The following ASB1 variants were observed in gnomAD, a reference collection of about 807,000 sequenced individuals.
The protein encoded by ASB1 is ankyrin repeat and SOCS box containing 1.
In ASB1, 18 loss-of-function variants were observed where a neutral mutation model predicts 27.7. The ratio of observed to expected loss-of-function variants is 0.65; its 90% CI spans 0.45 to 0.96. ASB1 has a LOEUF of 0.96. Among genes scored for constraint, ASB1 ranks in the 50% least tolerant of loss-of-function variants. The pLI is 0.00. For missense variants in ASB1, 397 were observed against 451.7 expected (o/e 0.88, Z 1.10); for synonymous variants, 189 against 187.6 (o/e 1.01, Z -0.06).
In ASB1 at chr2:238,433,691, C is replaced by T. The variant is rs373176141; in HGVS notation, c.187C>T (p.Arg63Trp). 35 of 1,613,770 alleles carry T rather than the reference C, an allele frequency of 2.2e-5. No individual in the cohort carries two copies. Among genetic ancestry groups the T allele is most frequent in the East Asian group, 6.7e-5 (3 of 44,880 alleles). The change falls in exon 2 of 5, where the codon CGG becomes TGG. Residue 63 changes from arginine to tryptophan, a missense_variant. Transcript: ENST00000264607. ...LRSLLQEESY[R>W]SRINEKSVWC... ...GAGCCTATTGCAAGAGGAGAGCTACCGGAGGTGAGCGGCGCTGCCCAGGGC... is the reference window on the plus strand; with the variant it reads ...GAGCCTATTGCAAGAGGAGAGCTACTGGAGGTGAGCGGCGCTGCCCAGGGC...
intron 2 of ASB1, 50 bp from the exon 3 acceptor site, chr2:238,435,661 T>TC: frequency 1.3e-6 from 2 of 1,552,966 alleles, no homozygotes; most frequent in Non-Finnish European, 1.7e-6. Flanking sequence ...GTGCAGCCCG[T>TC]CCCTGTCCTG....
rs773498999 is a variant in ASB1 at position 238,435,857 on chromosome 2, C to T, written c.338C>T (p.Thr113Met). The change falls in exon 3 of 5, where the codon ACG (threonine) becomes ATG (methionine). Residue 113 changes from threonine (T) to methionine (M), a missense_variant. Coordinates refer to ENST00000264607, the MANE Select transcript of ASB1 (RefSeq NM_001040445.3). ...GATCTGGTGGACGTAAAAGGACAGA[C>T]GGCCCTGTATGTGGCTGTGGTGAAC... ...EVDLVDVKGQTALYVAVVNGH... is the reference protein window; with the variant it reads ...EVDLVDVKGQMALYVAVVNGH... 54 of 1,614,144 alleles carry T rather than the reference C, an allele frequency of 3.3e-5. No homozygotes were observed. Among genetic ancestry groups the T allele is most frequent in the Admixed American group, 6.7e-5 (4 of 60,018 alleles).
intron 3 of ASB1, among the ~76,000 whole-genome samples, chr2:238,442,787 C>G (rs1169104143): frequency 6.6e-6 from 1 of 152,104 alleles, no homozygotes; most frequent in Non-Finnish European, 1.5e-5. Flanking sequence ...CCAAAAAACA[C>G]TTAGTAAAAC....
At chr2:238,434,093 A>G (rs912109765) in intron 2 of ASB1, among the ~76,000 whole-genome samples, 1 of 151,994 alleles carries the variant, frequency 6.6e-6, no homozygotes, top group Non-Finnish European at 1.5e-5. Flanking sequence ...CACCTTCCCT[A>G]GTGCCCTTTC....
chr2:238,426,961 C>T lies in ASB1; in HGVS notation c.-110C>T, dbSNP rs2106399598. 3.3e-6 allele frequency: 3 copies of T among 896,062 alleles called. No homozygotes were observed. Among genetic ancestry groups the T allele is most frequent in the East Asian group, 3.5e-5 (1 of 28,742 alleles). 55.5% of individuals were successfully genotyped at this position (896,062 alleles called of 1,614,324 possible). ...GGCGCGCGCCCGCCGGAAGCCGCGA[C>T]CCCGACGCGCCCCCCATTGCCCTCG... On this transcript the variant is annotated 5_prime_UTR_variant, in exon 1 of 5. Coordinates refer to ENST00000264607, the MANE Select transcript of ASB1 (RefSeq NM_001040445.3).
intron 1 of ASB1, among the ~76,000 whole-genome samples, chr2:238,430,744 T>A (rs1449787472): frequency 6.6e-6 from 1 of 152,248 alleles, no homozygotes; most frequent in Admixed American, 6.5e-5. Flanking sequence ...ATCCATTGGC[T>A]GCGGAATGGC....
intron 1 of ASB1, among the ~76,000 whole-genome samples, chr2:238,431,569 A>G (rs929828857): frequency 6.6e-6 from 1 of 152,258 alleles, no homozygotes; most frequent in Non-Finnish European, 1.5e-5. Context: ...CAAGAGGCCT[A>G]TCTTTGAACC....
At chr2:238,442,308 C>T (rs1022060637) in intron 3 of ASB1, among the ~76,000 whole-genome samples, 6 of 151,994 alleles carry the variant, frequency 3.9e-5, no homozygotes, top group South Asian at 2.1e-4. Flanking sequence ...GATGGGGTTT[C>T]GTCATGTTGG....
At chr2:238,433,078 T>G (rs1349354306) in intron 1 of ASB1, among the ~76,000 whole-genome samples, 4 of 152,166 alleles carry the variant, frequency 2.6e-5, no homozygotes, top group Admixed American at 2.6e-4. Context: ...GGATCTTGCA[T>G]CCGTATTCTT....
intron 1 of ASB1, among the ~76,000 whole-genome samples, chr2:238,430,563 C>T (rs1040707763): frequency 6.6e-6 from 1 of 152,194 alleles, no homozygotes; most frequent in Admixed American, 6.5e-5. Context: ...ATATTTTGAC[C>T]TCCCATGAAT....
chr2:238,427,369 A>T (rs958552387), intron 1 of ASB1: 6 of 370,094 alleles, frequency 1.6e-5, no homozygotes, highest in African/African-American at 4.2e-5. Flanking sequence ...TTCCGGTGGA[A>T]CTTGCTCGTA....
chr2:238,435,594 TG>T, intron 2 of ASB1, 116 bp from the exon 3 acceptor site: 1 of 1,055,040 alleles, frequency 9.5e-7, no homozygotes, highest in Non-Finnish European at 1.3e-6. Flanking sequence ...AGAGCCCAGG[TG>T]GAGGCGTTAT....
At chr2:238,435,607 A>C in intron 2 of ASB1, 104 bp from the exon 3 acceptor site, 1 of 1,232,472 alleles carries the variant, frequency 8.1e-7, no homozygotes, top group Non-Finnish European at 1.1e-6. Context: ...AGGCGTTATT[A>C]ACCAGAGGGG....
At chr2:238,440,253 C>T (rs535425788) in intron 3 of ASB1, among the ~76,000 whole-genome samples, 4 of 152,268 alleles carry the variant, frequency 2.6e-5, no homozygotes, top group South Asian at 2.1e-4. Flanking sequence ...ACTAGGAGTG[C>T]CTATTGCTTT....
chr2:238,436,135 T>C, intron 3 of ASB1, 122 bp downstream of exon 3: 1 of 919,968 alleles, frequency 1.1e-6, no homozygotes, highest in Non-Finnish European at 1.6e-6. Context: ...CTGGCCTTTG[T>C]AAAGAGCTGC....
intron 3 of ASB1, among the ~76,000 whole-genome samples, chr2:238,437,368 A>T (rs1300974863): frequency 6.6e-6 from 1 of 151,968 alleles, no homozygotes; most frequent in Admixed American, 6.6e-5. Context: ...AGTAGCTGGG[A>T]CTACAGGTGC....
At chr2:238,441,797 C>T (rs1702083149) in intron 3 of ASB1, among the ~76,000 whole-genome samples, 1 of 152,236 alleles carries the variant, frequency 6.6e-6, no homozygotes, top group South Asian at 2.1e-4. Flanking sequence ...CTTGTGCATA[C>T]ATCTTTCCAT....
rs759887551 is a variant in ASB1 at position 238,433,621 on chromosome 2, G to A, written c.117G>A (p.Thr39=). Residue 39 remains threonine, a synonymous_variant, in exon 2 of 5, where the codon ACG becomes ACA. Transcript: ENST00000264607. ...ATCCGCTGGAGCACTGTGAGGACAC[G>A]AGGCTCCATGATGCAGCTTACGTCG... The part of the protein sequence containing the change: ...CDHPLEHCED[T]RLHDAAYVGD... 6.2e-6 allele frequency: 10 copies of A among 1,614,018 alleles called. No individual in the cohort carries two copies. The highest frequency in any genetic ancestry group is 2.7e-5 in the African/African-American group (2 of 74,902).
chr2:238,435,436 C>T (rs758101031), intron 2 of ASB1, among the ~76,000 whole-genome samples: 1 of 152,356 alleles, frequency 6.6e-6, no homozygotes, highest in South Asian at 2.1e-4. Context: ...AGATGGCAGT[C>T]AGGAAATCTA....
Sources: allele counts gnomAD v4.1 joint callset (sites outside exome capture counted in the v4.1 genomes callset), GRCh38; gene constraint gnomAD v4.1.1; transcripts MANE v1.5; gene names NCBI Gene and HGNC (gene_info 2026-07-23, HGNC 2026-07-21).